The following DNAH17 variants were observed in gnomAD, a reference collection of about 807,000 sequenced individuals.
The protein encoded by DNAH17 is axonemal beta dynein heavy chain 17.
DNAH17 carries 376 observed loss-of-function variants against 485.6 expected under a neutral mutation model. The observed-to-expected ratio is 0.77, with a 90% CI of 0.71 to 0.84. The LOEUF is 0.84. Ranked by LOEUF, DNAH17 falls within the 40% of genes least tolerant of loss-of-function variation. The pLI, the probability that DNAH17 is intolerant of heterozygous loss-of-function variation, is 0.00. For synonymous variants in DNAH17, 3,031 were observed against 2,405.9 expected (o/e 1.26, Z -7.60); for missense variants, 6,370 against 5,839.3 (o/e 1.09, Z -2.96).
intron 69 of DNAH17, among the ~76,000 whole-genome samples, chr17:78,446,001 G>A: frequency 6.6e-6 from 1 of 151,720 alleles, no homozygotes; most frequent in East Asian, 1.9e-4. Flanking sequence ...GTGAAACCCT[G>A]TTTCTACTAA....
At position 78,460,186 on chromosome 17, in the gene DNAH17, C is replaced by T; in HGVS notation, c.9411G>A (p.Gln3137=). The change falls in exon 59 of 81, where the codon CAG becomes CAA. Residue 3137 remains glutamine (Q), a synonymous_variant. Coordinates refer to ENST00000389840, the MANE Select transcript of DNAH17 (RefSeq NM_173628.4). The part of the protein sequence containing the change: ...AKAEPALLAA[Q]EALDTLNKNN... ...CCTTATTCAGAGTGTCCAGAGCCTCCTGGGCTGCCAGCAGGGCCGGTTCTG... is the reference window on the plus strand; with the variant it reads ...CCTTATTCAGAGTGTCCAGAGCCTCTTGGGCTGCCAGCAGGGCCGGTTCTG... The T allele has an allele frequency of 5.0e-6, 8 of 1,608,812 alleles. No individual in the cohort carries two copies. Among genetic ancestry groups the T allele is most frequent in the Non-Finnish European group, 6.8e-6 (8 of 1,177,280 alleles).
intron 6 of DNAH17, 142 bp from the exon 7 acceptor site, chr17:78,570,514 GC>G: frequency 2.7e-6 from 3 of 1,110,314 alleles, no homozygotes; most frequent in Non-Finnish European, 3.7e-6. Context: ...AACTCCCTAG[GC>G]CCACACATCT....
Position 78,560,918 on chromosome 17 carries a change from T to C in DNAH17, c.1853A>G (p.Glu618Gly), listed in dbSNP as rs1166148611. The change falls in exon 13 of 81, where the codon GAG becomes GGG. Residue 618 changes from glutamate (E) to glycine (G), a missense_variant. Glu to Gly is a moderately conservative substitution (Grantham distance 98). Transcript: ENST00000389840. ...ATACTTCTGATAGGTCAGCTTGGCCTCTGCTCCAGACATGACCCTGGAATC... is the reference window on the plus strand; with the variant it reads ...ATACTTCTGATAGGTCAGCTTGGCCCCTGCTCCAGACATGACCCTGGAATC... ...HVEHPVMSGA[E>G]AKLTYQKYDE... is the part of the protein sequence containing the mutation. 1 of 1,550,046 alleles carries C rather than the reference T, an allele frequency of 6.5e-7. No homozygotes were observed.
intron 51 of DNAH17, among the ~76,000 whole-genome samples, chr17:78,477,969 C>G (rs1167772940): frequency 1.4e-5 from 2 of 144,388 alleles, no homozygotes; most frequent in Non-Finnish European, 3.0e-5. Context: ...ACCATCACCA[C>G]CACCATCATC....
At position 78,427,029 on chromosome 17, in the gene DNAH17, T is replaced by TC. The variant is rs2086499003; in HGVS notation, c.12667dup (p.Glu4223GlyfsTer14). On this transcript the variant is annotated frameshift_variant, in exon 78 of 81. Coordinates refer to ENST00000389840, the MANE Select transcript of DNAH17 (RefSeq NM_173628.4). LOFTEE classifies it high-confidence loss of function. ...GGCGACTACCACGTAGGGGGTCTTT[T>TC]CCGCTGCCTTTGCCATGATCTCAGC... The TC allele has an allele frequency of 6.2e-7, 1 of 1,606,342 alleles. No individual in the cohort carries two copies. The highest frequency in any genetic ancestry group is 1.1e-5 in the South Asian group (1 of 89,420).
intron 75 of DNAH17, among the ~76,000 whole-genome samples, chr17:78,432,412 C>A (rs11077365): frequency 0.76 from 115,823 of 152,064 alleles, 45,075 homozygotes; most frequent in East Asian, 0.97. Context: ...GCTGCCTTTC[C>A]CCAGTGGCAT....
chr17:78,479,054 T>C lies in DNAH17; in HGVS notation c.7963A>G (p.Asn2655Asp), dbSNP rs2089233825. The change falls in exon 51 of 81, where the codon AAC (asparagine) becomes GAC (aspartate). Residue 2655 changes from asparagine to aspartate, a missense_variant. By Grantham distance (23) the Asn-to-Asp change is conservative. Coordinates refer to ENST00000389840, the MANE Select transcript of DNAH17 (RefSeq NM_173628.4). ...AAAATATTGGAGAGGTCCCTGAGGT[T>C]GAAGACATAATGAAACTTAATGGCC... ...PTAIKFHYVF[N>D]LRDLSNIFQG... is the part of the protein sequence containing the mutation. 2 of 1,613,900 alleles carry C rather than the reference T, an allele frequency of 1.2e-6. No individual in the cohort carries two copies. Among genetic ancestry groups the C allele is most frequent in the Non-Finnish European group, 8.5e-7 (1 of 1,179,890 alleles).
chr17:78,512,183 T>C (rs556358520), intron 26 of DNAH17, among the ~76,000 whole-genome samples: 1 of 152,192 alleles, frequency 6.6e-6, no homozygotes, highest in Non-Finnish European at 1.5e-5. Flanking sequence ...TAGGTACGGA[T>C]CTCTTGGGAA....
rs1292974865 is a variant in DNAH17, at chr17:78,475,308, G to A, written c.8481C>T (p.Leu2827=). 3 of 1,614,000 alleles carry A rather than the reference G, an allele frequency of 1.9e-6. No individual in the cohort carries two copies. The highest frequency in any genetic ancestry group is 1.3e-5 in the African/African-American group (1 of 75,040). The part of the protein sequence containing the change: ...ISGLDVFQIT[L]KKGYGIPDLK... ...GGTCGGGGATCCCGTAGCCCTTCTTGAGGGTGATCTGAAACACGTCAAGCC... is the reference window on the plus strand; with the variant it reads ...GGTCGGGGATCCCGTAGCCCTTCTTAAGGGTGATCTGAAACACGTCAAGCC... Residue 2827 remains leucine (L), a synonymous_variant, in exon 54 of 81, where the codon CTC becomes CTT. Coordinates refer to ENST00000389840, the MANE Select transcript of DNAH17 (RefSeq NM_173628.4).
In DNAH17 at chr17:78,575,044, G is replaced by C; in HGVS notation, c.14C>G (p.Pro5Arg). The change falls in exon 2 of 81, where the codon CCG (proline) becomes CGG (arginine). Residue 5 changes from proline (P) to arginine (R), a missense_variant. Pro to Arg is a moderately radical substitution (Grantham distance 103, BLOSUM62 -2). Transcript: ENST00000389840. MTMA[P>R]DVRLEYLEEV... ...CTCCAGATACTCTAGTCTGACGTCCGGGGCCATTGTCATCTTGGCCTTTCC... is the reference window on the plus strand; with the variant it reads ...CTCCAGATACTCTAGTCTGACGTCCCGGGCCATTGTCATCTTGGCCTTTCC... The C allele has an allele frequency of 6.2e-7, 1 of 1,612,312 alleles. No individual in the cohort carries two copies. The highest frequency in any genetic ancestry group is 8.5e-7 in the Non-Finnish European group (1 of 1,179,050).
intron 62 of DNAH17, among the ~76,000 whole-genome samples, chr17:78,457,145 T>C (rs1219726197): frequency 3.9e-5 from 6 of 152,178 alleles, no homozygotes; most frequent in African/African-American, 7.2e-5. Context: ...CCGAGGCAGG[T>C]GGATCACCTG....
intron 69 of DNAH17, among the ~76,000 whole-genome samples, chr17:78,446,169 G>T (rs1398462015): frequency 4.3e-4 from 2 of 4,648 alleles, no homozygotes; most frequent in Admixed American, 0.012. Context: ...GTGAGACTCT[G>T]TCTCAAAAAA....
chr17:78,459,708 T>C (rs374587687), intron 60 of DNAH17, 76 bp downstream of exon 60: 51 of 1,538,170 alleles, frequency 3.3e-5, no homozygotes, highest in South Asian at 3.3e-4. Flanking sequence ...GAGGCCATGC[T>C]TCACCTCAGC....
chr17:78,481,297 G>A (rs2089339997), intron 48 of DNAH17, among the ~76,000 whole-genome samples: 1 of 150,974 alleles, frequency 6.6e-6, no homozygotes, highest in Non-Finnish European at 1.5e-5. Flanking sequence ...TAGAGACTGG[G>A]TTTCACCGTG....
At chr17:78,528,949 T>TA (rs1299063501) in intron 22 of DNAH17, among the ~76,000 whole-genome samples, 1 of 98,878 alleles carries the variant, frequency 1.0e-5, no homozygotes, top group Non-Finnish European at 2.2e-5. Flanking sequence ...AGGCATTTTG[T>TA]ATTTTTTTTT....
chr17:78,525,184 C>T, intron 24 of DNAH17, 23 bp from the exon 25 acceptor site: 1 of 1,608,034 alleles, frequency 6.2e-7, no homozygotes. Flanking sequence ...AGGGGGCCGT[C>T]AGTAGGGCTA....
chr17:78,457,801 C>G (rs574253213), intron 62 of DNAH17, among the ~76,000 whole-genome samples: 2 of 151,840 alleles, frequency 1.3e-5, no homozygotes, highest in South Asian at 2.1e-4. Context: ...GCTGGGATAA[C>G]AGGCGACTGC....
chr17:78,471,098 A>C (rs1378057169), intron 54 of DNAH17, among the ~76,000 whole-genome samples: 1 of 152,222 alleles, frequency 6.6e-6, no homozygotes, highest in Non-Finnish European at 1.5e-5. Flanking sequence ...TTAAAAAACA[A>C]GACCTATGGG....
intron 25 of DNAH17, among the ~76,000 whole-genome samples, chr17:78,516,445 G>T (rs937296899): frequency 6.6e-6 from 1 of 152,224 alleles, no homozygotes; most frequent in Non-Finnish European, 1.5e-5. Context: ...CCAGCACTTT[G>T]GGAGGCCGAG....
Sources: gnomAD v4.1 joint callset for allele counts (sites outside exome capture counted in the v4.1 genomes callset) on GRCh38, gnomAD v4.1.1 for gene constraint, MANE v1.5 for transcripts, NCBI Gene and HGNC (gene_info 2026-07-23, HGNC 2026-07-21) for gene names.